Variants in EBF2 observed in about 807,000 individuals in gnomAD.
The protein encoded by EBF2 is transcription factor COE2.
A neutral mutation model predicts 72.8 loss-of-function variants in EBF2; 21 were observed. The ratio of observed to expected loss-of-function variants is 0.29; its 90% CI spans 0.20 to 0.42. The LOEUF (loss-of-function observed/expected upper bound fraction) is 0.42, where lower values mean the gene tolerates loss of function less well. EBF2 is among the 10% of genes least tolerant of loss of function. EBF2 has a pLI of 1.00. For missense variants in EBF2, 637 were observed against 731.2 expected, an observed-to-expected ratio of 0.87 and a Z score of 1.49; for synonymous variants, 299 against 274.2, an observed-to-expected ratio of 1.09 and a Z score of -0.89.
At chr8:25,909,600 T>C (rs370927383) in intron 6 of EBF2, among the ~76,000 whole-genome samples, 1 of 152,194 alleles carries the variant, frequency 6.6e-6, no homozygotes, top group African/African-American at 2.4e-5. Context: ...CAAAAATAAG[T>C]AGAAATCAAC....
chr8:26,042,216 T>A lies in EBF2; in HGVS notation c.167A>T (p.Gln56Leu). ...GGATTTCCTCAAGTTGGAAGGAGGC[T>A]GTTTCTCAAAGTGGGCCCGGGACAG... ...VALSRAHFEK[Q>L]PPSNLRKSNF... Residue 56 changes from glutamine (Q) to leucine (L), a missense_variant, in exon 2 of 16, where the codon CAG becomes CTG. Gln to Leu is a moderately radical substitution (Grantham distance 113). Coordinates refer to ENST00000520164, the MANE Select transcript of EBF2 (RefSeq NM_022659.4). 1.2e-6 allele frequency: 2 copies of A among 1,614,056 alleles called. No individual in the cohort carries two copies. Among genetic ancestry groups the A allele is most frequent in the South Asian group, 1.1e-5 (1 of 91,070 alleles).
intron 6 of EBF2, among the ~76,000 whole-genome samples, chr8:25,983,166 G>T (rs190769374): frequency 2.6e-4 from 39 of 152,006 alleles, no homozygotes; most frequent in African/African-American, 9.2e-4. Flanking sequence ...GTGTAGAAAT[G>T]GTCGCATACA....
chr8:25,989,942 T>A (rs1468474129), intron 6 of EBF2, among the ~76,000 whole-genome samples: 2 of 152,178 alleles, frequency 1.3e-5, no homozygotes, highest in African/African-American at 4.8e-5. Context: ...TTCTAGAGCC[T>A]AAAGCTGCAT....
chr8:25,968,725 T>G lies in EBF2; in HGVS notation c.552-60170A>C, dbSNP rs137856191. Among the ~76,000 whole-genome samples the G allele has an allele frequency of 3.4e-3, 520 of 152,282 alleles. 5 individuals carry two copies. The highest frequency in any genetic ancestry group is 4.9e-3 in the Non-Finnish European group (336 of 68,022). On this transcript the variant is annotated intron_variant, in intron 6 of 15. Transcript: ENST00000520164. Reference sequence around the variant, plus strand: ...TACAGGCATACACCACCACACCTAATTTTTGTATTTTTAGTAGAGACGGGG... The same window carrying G: ...TACAGGCATACACCACCACACCTAAGTTTTGTATTTTTAGTAGAGACGGGG...
At chr8:25,928,390 ATTCCCT>A (rs975832817) in intron 6 of EBF2, among the ~76,000 whole-genome samples, 20 of 152,154 alleles carry the variant, frequency 1.3e-4, no homozygotes, top group African/African-American at 4.8e-4. Flanking sequence ...CATCTGACTC[ATTCCCT>A]GTCCTCTTCT....
intron 7 of EBF2, among the ~76,000 whole-genome samples, chr8:25,892,427 A>G (rs1352451284): frequency 2.6e-5 from 4 of 152,182 alleles, no homozygotes; most frequent in African/African-American, 9.7e-5. Flanking sequence ...TAAAATTTAC[A>G]TACATTGAAA....
chr8:25,874,290 G>A (rs908895192), intron 10 of EBF2, among the ~76,000 whole-genome samples: 1 of 152,160 alleles, frequency 6.6e-6, no homozygotes, highest in Non-Finnish European at 1.5e-5. Context: ...TGGGGAGGAG[G>A]CTGTTCAGGG....
At chr8:25,949,901 G>A (rs1803830243) in intron 6 of EBF2, among the ~76,000 whole-genome samples, 1 of 152,180 alleles carries the variant, frequency 6.6e-6, no homozygotes, top group Admixed American at 6.5e-5. Context: ...GACAGTTTTG[G>A]TGAAATGTTT....
intron 6 of EBF2, among the ~76,000 whole-genome samples, chr8:25,987,114 G>A (rs1804474141): frequency 1.3e-5 from 2 of 152,206 alleles, no homozygotes; most frequent in South Asian, 4.1e-4. Context: ...GGCTAAAGAA[G>A]CAGAGGTGAG....
rs553612978 is a variant in EBF2 at position 26,031,163 on chromosome 8, G to C, written c.551+1922C>G. On this transcript the variant is annotated intron_variant, in intron 6 of 15. Transcript: ENST00000520164. ...AGGATGTAACAGTCATGAGGTTAGA[G>C]TACCTTCTTAAAAGAGAAGCTAAAG... Among the ~76,000 whole-genome samples, 3 of 152,258 alleles carry C rather than the reference G, an allele frequency of 2.0e-5. No individual in the cohort carries two copies. In the East Asian group the frequency reaches 5.8e-4, roughly 29 times the overall value.
At chr8:25,922,250 T>TAA (rs56689931) in intron 6 of EBF2, among the ~76,000 whole-genome samples, 1 of 148,086 alleles carries the variant, frequency 6.8e-6, no homozygotes. Context: ...TGTTTTTGCT[T>TAA]AAAAAAAAAA....
chr8:25,880,498 G>A (rs1031501590), intron 10 of EBF2, among the ~76,000 whole-genome samples: 4 of 152,014 alleles, frequency 2.6e-5, no homozygotes, highest in African/African-American at 4.8e-5. Flanking sequence ...TCTTTTCTGC[G>A]TTGACCTGAC....
chr8:25,901,674 T>C (rs1802956258), intron 7 of EBF2, among the ~76,000 whole-genome samples: 2 of 152,216 alleles, frequency 1.3e-5, no homozygotes. Context: ...TAATAGGTGA[T>C]GCTGTGGAAA....
At chr8:26,014,443 T>C (rs1805076336) in intron 6 of EBF2, among the ~76,000 whole-genome samples, 1 of 152,172 alleles carries the variant, frequency 6.6e-6, no homozygotes, top group African/African-American at 2.4e-5. Context: ...GGGTAAAAAT[T>C]ACAAAATCAA....
intron 5 of EBF2, among the ~76,000 whole-genome samples, chr8:26,035,807 C>T (rs1019686815): frequency 3.9e-5 from 6 of 152,250 alleles, no homozygotes; most frequent in Admixed American, 2.6e-4. Context: ...CAATCCATCC[C>T]AAGATTAACA....
intron 6 of EBF2, among the ~76,000 whole-genome samples, chr8:26,028,470 T>A (rs756754535): frequency 3.3e-5 from 5 of 152,214 alleles, no homozygotes; most frequent in Non-Finnish European, 7.3e-5. Context: ...AAATAAATTA[T>A]TGCCCTCTCT....
In EBF2 at chr8:25,997,010, A is replaced by C. The variant is rs539164278; in HGVS notation, c.551+36075T>G. Among the ~76,000 whole-genome samples the C allele has an allele frequency of 1.6e-3, 243 of 152,312 alleles. 2 individuals are homozygous for C. Among genetic ancestry groups the C allele is most frequent in the African/African-American group, 5.5e-3 (229 of 41,580 alleles). Reference sequence around the variant, plus strand: ...TCAAGATCTTGCAACAATTTTCATAAAACTAAAAGAGTTTTATTAAGCAGC... The same window carrying C: ...TCAAGATCTTGCAACAATTTTCATACAACTAAAAGAGTTTTATTAAGCAGC... On this transcript the variant is annotated intron_variant, in intron 6 of 15. Coordinates refer to ENST00000520164, the MANE Select transcript of EBF2 (RefSeq NM_022659.4).
In EBF2 at chr8:25,887,989, G is replaced by C. The variant is rs756681656; in HGVS notation, c.752-17C>G. 6.3e-7 allele frequency: 1 copy of C among 1,593,164 alleles called. No homozygotes were observed. ...AGGGGGTAGCTAAGAAGACAGGAAAGAAAAAGTCAGGTTTGTTCTTTCATG... is the reference window on the plus strand; with the variant it reads ...AGGGGGTAGCTAAGAAGACAGGAAACAAAAAGTCAGGTTTGTTCTTTCATG... On this transcript the variant is annotated splice_polypyrimidine_tract_variant and intron_variant, in intron 8 of 15. Transcript: ENST00000520164.
chr8:26,042,501 C>T (rs1350469379), intron 1 of EBF2, among the ~76,000 whole-genome samples: 1 of 152,112 alleles, frequency 6.6e-6, no homozygotes, highest in Non-Finnish European at 1.5e-5. Context: ...TCCGGCATCC[C>T]ACCGCTGGGC....
Sources: allele counts gnomAD v4.1 joint callset (sites outside exome capture counted in the v4.1 genomes callset), GRCh38; gene constraint gnomAD v4.1.1; transcripts MANE v1.5; gene names NCBI Gene and HGNC (gene_info 2026-07-23, HGNC 2026-07-21).